ADAMTS17: variants seen among roughly 807,000 people sequenced by gnomAD.
ADAMTS17 encodes ADAM metallopeptidase with thrombospondin type 1 motif 17.
ADAMTS17 carries 113 observed loss-of-function variants against 141.5 expected under a neutral mutation model. That is an observed-to-expected ratio of 0.80 (90% CI 0.69 to 0.93). The LOEUF (loss-of-function observed/expected upper bound fraction) is 0.93, where lower values mean the gene tolerates loss of function less well. ADAMTS17 is among the 40% of genes least tolerant of loss of function. The pLI is 0.00. For synonymous variants in ADAMTS17, 768 were observed against 630.6 expected (o/e 1.22, Z -3.27); for missense variants, 1,659 against 1,517.9 (o/e 1.09, Z -1.54).
chr15:100,252,515 G>GC (rs1357723691), intron 7 of ADAMTS17, among the ~76,000 whole-genome samples: 1 of 152,142 alleles, frequency 6.6e-6, no homozygotes, highest in Non-Finnish European at 1.5e-5. Context: ...GAGCAGAGGC[G>GC]CCCCGGACAT....
At position 99,997,349 on chromosome 15, in the gene ADAMTS17, T is replaced by C; in HGVS notation, c.2796+36A>G. Reference sequence around the variant, plus strand: ...TACCATGGCACCGTGTTGGAGTCCCTGTGGCTGAGTCCTGGTGGCAAGCCC... The same window carrying C: ...TACCATGGCACCGTGTTGGAGTCCCCGTGGCTGAGTCCTGGTGGCAAGCCC... On this transcript the variant is annotated intron_variant, in intron 19 of 21. Transcript: ENST00000268070. The surrounding 1 kb of genome is among the most constrained non-coding windows in gnomAD (Gnocchi z 4.7). 1 of 1,611,858 alleles carries C rather than the reference T, an allele frequency of 6.2e-7. No homozygotes were observed. The highest frequency in any genetic ancestry group is 1.7e-5 in the Admixed American group (1 of 60,024).
Position 100,109,029 on chromosome 15 carries a change from C to A in ADAMTS17, c.1976G>T (p.Gly659Val). The change falls in exon 14 of 22, where the codon GGG (glycine) becomes GTG (valine). Residue 659 changes from glycine (G) to valine (V), a missense_variant. Physicochemically the swap from Gly to Val is moderately radical, Grantham distance 109 (BLOSUM62 -3). Transcript: ENST00000268070. ...ADRVLDGTPC[G>V]PYETDLCVHG... ...CACGCAGAGATCAGTCTCGTAGGGC[C>A]CGCAGGGTGTACCGTCCAGGACCCT... is the stretch of plus-strand genomic sequence containing the variant. 2 of 1,614,112 alleles carry A rather than the reference C, an allele frequency of 1.2e-6. No homozygotes were observed. The highest frequency in any genetic ancestry group is 1.7e-6 in the Non-Finnish European group (2 of 1,180,036).
chr15:100,237,079 C>T (rs1317592939), intron 7 of ADAMTS17, among the ~76,000 whole-genome samples: 2 of 152,202 alleles, frequency 1.3e-5, no homozygotes, highest in South Asian at 2.1e-4. Context: ...CACAACCCTG[C>T]CCCTGCAACA....
intron 20 of ADAMTS17, chr15:99,976,491 A>G (rs1468859535): frequency 1.7e-6 from 1 of 591,198 alleles, no homozygotes; most frequent in Non-Finnish European, 3.0e-6. Context: ...ACTTGCAATC[A>G]TTCAGGGCAA....
chr15:100,118,190 A>T (rs1222999405), intron 12 of ADAMTS17, among the ~76,000 whole-genome samples: 2 of 152,230 alleles, frequency 1.3e-5, no homozygotes, highest in African/African-American at 2.4e-5. Context: ...CAACCACTCA[A>T]CTGCTACTGT....
chr15:100,204,440 A>G (rs2041454940), intron 7 of ADAMTS17, among the ~76,000 whole-genome samples: 1 of 152,216 alleles, frequency 6.6e-6, no homozygotes, highest in African/African-American at 2.4e-5. Flanking sequence ...AGTCATGGAT[A>G]TTGGATTGCA....
chr15:100,058,350 C>CTATCCCAGCTCTAACACCCCA (rs2032817460), intron 15 of ADAMTS17, among the ~76,000 whole-genome samples: 1 of 150,962 alleles, frequency 6.6e-6, no homozygotes, highest in Non-Finnish European at 1.5e-5. Context: ...TCTAACACCC[C>CTATCCCAGCTCTAACACCCCA]TATCCCGGCT....
chr15:100,258,503 C>T (rs2043404250), intron 6 of ADAMTS17, among the ~76,000 whole-genome samples: 1 of 152,132 alleles, frequency 6.6e-6, no homozygotes, highest in Non-Finnish European at 1.5e-5. Flanking sequence ...GCTGGGGAGG[C>T]CTCACAATCA....
At chr15:100,258,581 C>A (rs1453116240) in intron 6 of ADAMTS17, among the ~76,000 whole-genome samples, 2 of 152,068 alleles carry the variant, frequency 1.3e-5, no homozygotes, top group Non-Finnish European at 2.9e-5. Context: ...CAGGGAAACA[C>A]CCCCTTATAT....
intron 3 of ADAMTS17, among the ~76,000 whole-genome samples, chr15:100,321,550 G>A (rs1288464414): frequency 6.6e-6 from 1 of 152,120 alleles, no homozygotes; most frequent in Non-Finnish European, 1.5e-5. Context: ...AACCTGACTG[G>A]CAATACTAAC....
At chr15:100,333,175 A>AG (rs1245478197) in intron 2 of ADAMTS17, among the ~76,000 whole-genome samples, 1 of 151,992 alleles carries the variant, frequency 6.6e-6, no homozygotes, top group Non-Finnish European at 1.5e-5. Flanking sequence ...CTTACATTCC[A>AG]GCCCACTACC....
At chr15:100,243,183 T>C (rs149043921) in intron 7 of ADAMTS17, among the ~76,000 whole-genome samples, 1 of 152,374 alleles carries the variant, frequency 6.6e-6, no homozygotes, top group East Asian at 1.9e-4. Flanking sequence ...GGCTGAGTAA[T>C]ACTCCACTGT....
chr15:100,178,265 A>C (rs1223717324), intron 8 of ADAMTS17, among the ~76,000 whole-genome samples: 1 of 152,154 alleles, frequency 6.6e-6, no homozygotes, highest in Non-Finnish European at 1.5e-5. Flanking sequence ...TTACTTGAAC[A>C]TCAATTAGAG....
chr15:100,081,192 C>G (rs933727406), intron 15 of ADAMTS17, among the ~76,000 whole-genome samples: 1 of 152,188 alleles, frequency 6.6e-6, no homozygotes, highest in African/African-American at 2.4e-5. Context: ...AGGCTCCCAG[C>G]CTACATCTTT....
chr15:100,327,594 TGGGA>T (rs1219703484), intron 3 of ADAMTS17, among the ~76,000 whole-genome samples: 3 of 152,216 alleles, frequency 2.0e-5, no homozygotes, highest in Non-Finnish European at 2.9e-5. Context: ...ATGAAAATGC[TGGGA>T]GGAAGATTCT....
intron 3 of ADAMTS17, 90 bp from the exon 4 acceptor site, chr15:100,281,491 G>A: frequency 6.6e-7 from 1 of 1,510,004 alleles, no homozygotes; most frequent in Non-Finnish European, 8.9e-7. Flanking sequence ...GCCTGCCCGA[G>A]AGAGTGGTCA....
intron 13 of ADAMTS17, among the ~76,000 whole-genome samples, chr15:100,115,508 G>T (rs903973229): frequency 6.6e-6 from 1 of 152,194 alleles, no homozygotes; most frequent in African/African-American, 2.4e-5. Context: ...ATCTGAGTGG[G>T]CTGGTGTTAT....
rs187723903 is a variant in ADAMTS17 at position 99,991,352 on chromosome 15, T to G, written c.2949+1696A>C. ...AAAACCAAACAACCCCATCAAAAAG[T>G]GGGTGAAGGATATGAACAGACACTT... On this transcript the variant is annotated intron_variant, in intron 20 of 21. Coordinates refer to ENST00000268070, the MANE Select transcript of ADAMTS17 (RefSeq NM_139057.4). 8.5e-3 allele frequency among the ~76,000 whole-genome samples: 1,291 copies of G among 152,076 alleles called. 5 individuals carry two copies. Among genetic ancestry groups the G allele is most frequent in the Non-Finnish European group, 0.013 (888 of 67,990 alleles).
At chr15:100,188,370 C>A (rs1160543466) in intron 8 of ADAMTS17, among the ~76,000 whole-genome samples, 1 of 151,666 alleles carries the variant, frequency 6.6e-6, no homozygotes, top group Non-Finnish European at 1.5e-5. Flanking sequence ...AGCTACCACG[C>A]CCGGCCACGA....
Sources: allele counts gnomAD v4.1 joint callset (sites outside exome capture counted in the v4.1 genomes callset), GRCh38; gene constraint gnomAD v4.1.1; non-coding constraint Gnocchi (gnomAD v3.1); transcripts MANE v1.5; gene names NCBI Gene and HGNC (gene_info 2026-07-23, HGNC 2026-07-21).